Variants in LCORL observed in about 807,000 individuals in gnomAD.
LCORL encodes ligand-dependent nuclear receptor corepressor-like protein.
Under a neutral mutation model 141.8 loss-of-function variants are expected in LCORL, and 41 were observed. The observed-to-expected ratio is 0.29, with a 90% confidence interval of 0.23 to 0.38. The LOEUF is 0.38. Among genes scored for constraint, LCORL ranks in the 10% least tolerant of loss-of-function variants. The probability of loss-of-function intolerance (pLI) is 1.00; values close to 1 mark genes in which losing one functional copy is unlikely to be tolerated. For missense variants in LCORL, 1,759 were observed against 2,035.0 expected (o/e 0.86, Z 2.61); for synonymous variants, 618 against 694.1 (o/e 0.89, Z 1.72).
chr4:17,897,275 T>C (rs1025277347), intron 5 of LCORL, among the ~76,000 whole-genome samples: 1 of 138,472 alleles, frequency 7.2e-6, no homozygotes, highest in Admixed American at 7.8e-5. Context: ...AGCAATGGGA[T>C]TGCTGGATCA....
At chr4:17,950,547 C>A (rs1038035442) in intron 4 of LCORL, among the ~76,000 whole-genome samples, 1 of 152,020 alleles carries the variant, frequency 6.6e-6, no homozygotes, top group Non-Finnish European at 1.5e-5. Context: ...GCCAATCAGG[C>A]TTGGAGGAAA....
chr4:17,932,921 T>A (rs1736279712), intron 4 of LCORL, among the ~76,000 whole-genome samples: 1 of 152,198 alleles, frequency 6.6e-6, no homozygotes, highest in Non-Finnish European at 1.5e-5. Context: ...TTTAATTATG[T>A]TTTGACCATC....
At chr4:17,994,404 A>G (rs1316175365) in intron 1 of LCORL, among the ~76,000 whole-genome samples, 1 of 152,154 alleles carries the variant, frequency 6.6e-6, no homozygotes, top group Non-Finnish European at 1.5e-5. Context: ...TATTCACAGA[A>G]GCTGTTTAAT....
chr4:17,873,242 G>A (rs190454630), intron 7 of LCORL, 146 bp downstream of exon 7: 3 of 445,038 alleles, frequency 6.7e-6, no homozygotes, highest in East Asian at 3.6e-5. Context: ...CTAATTTCAC[G>A]AGTTTCATAC....
At chr4:17,871,961 T>G (rs904585890) in intron 7 of LCORL, among the ~76,000 whole-genome samples, 1 of 151,970 alleles carries the variant, frequency 6.6e-6, no homozygotes, top group Admixed American at 6.6e-5. Flanking sequence ...AACTGAATCT[T>G]GGGGGTCATA....
chr4:17,952,217 C>G (rs1024692237), intron 4 of LCORL, among the ~76,000 whole-genome samples: 13 of 152,070 alleles, frequency 8.5e-5, no homozygotes, highest in African/African-American at 3.1e-4. Flanking sequence ...ATTACCTAAA[C>G]ACAGACGGTA....
intron 4 of LCORL, among the ~76,000 whole-genome samples, chr4:17,960,030 T>A (rs1277398287): frequency 6.6e-6 from 1 of 152,090 alleles, no homozygotes; most frequent in African/African-American, 2.4e-5. Flanking sequence ...CATTTGGAAA[T>A]CTCTAAAATG....
exon 8 of LCORL, chr4:17,845,664 ATTG>A (rs1722842798): frequency 1.6e-6 from 2 of 1,252,930 alleles, no homozygotes; most frequent in Non-Finnish European, 2.2e-6. Flanking sequence ...ATAAATGCTT[ATTG>A]TTCAGAAGGA....
chr4:17,947,319 G>A lies in LCORL; in HGVS notation c.430+14584C>T, dbSNP rs570337228. 2.0e-5 allele frequency among the ~76,000 whole-genome samples: 3 copies of A among 152,084 alleles called. No individual in the cohort carries two copies. The South Asian group carries it at 6.2e-4, about 32-fold the overall frequency. ...AAATATTGCATGTCTTCACTTATAT[G>A]TGAAATCCAGGAGAATCAAATTCAA... On this transcript the variant is annotated intron_variant, in intron 4 of 7. Transcript: ENST00000635767.
chr4:17,863,799 G>A (rs1363424887), intron 7 of LCORL, among the ~76,000 whole-genome samples: 2 of 152,116 alleles, frequency 1.3e-5, no homozygotes, highest in Non-Finnish European at 2.9e-5. Context: ...ATAGACAACG[G>A]AATACTATGC....
chr4:17,967,328 T>A (rs1287239973), intron 2 of LCORL, among the ~76,000 whole-genome samples: 2 of 152,138 alleles, frequency 1.3e-5, no homozygotes, highest in African/African-American at 4.8e-5. Context: ...GATACTATAA[T>A]GATGGATCAA....
exon 7 of LCORL, chr4:17,877,273 G>A: frequency 1.6e-6 from 2 of 1,230,054 alleles, no homozygotes; most frequent in Non-Finnish European, 2.0e-6. Flanking sequence ...TTATGCAAGA[G>A]AGATGTTATG....
intron 7 of LCORL, among the ~76,000 whole-genome samples, chr4:17,856,931 ATGTT>A (rs1242690296): frequency 6.6e-6 from 1 of 152,092 alleles, no homozygotes; most frequent in Non-Finnish European, 1.5e-5. Context: ...TTTGTTTTCT[ATGTT>A]TGTTTTTCTC....
At chr4:17,912,584 G>C in intron 4 of LCORL, 1 of 421,362 alleles carries the variant, frequency 2.4e-6, no homozygotes, top group Non-Finnish European at 4.6e-6. Context: ...GATGGTGCTC[G>C]TGCAGCTGAG....
chr4:17,905,160 A>G (rs1731417707), intron 5 of LCORL, among the ~76,000 whole-genome samples: 2 of 152,224 alleles, frequency 1.3e-5, no homozygotes, highest in East Asian at 1.9e-4. Flanking sequence ...ACCTCTCATC[A>G]AATGTTTAAA....
At chr4:18,001,201 T>G (rs1721898672) in intron 1 of LCORL, among the ~76,000 whole-genome samples, 1 of 152,112 alleles carries the variant, frequency 6.6e-6, no homozygotes, top group Non-Finnish European at 1.5e-5. Flanking sequence ...CAAAAAGGAT[T>G]CAGTGTATGC....
At chr4:17,987,099 C>T (rs1246504235) in intron 1 of LCORL, among the ~76,000 whole-genome samples, 2 of 151,310 alleles carry the variant, frequency 1.3e-5, no homozygotes, top group African/African-American at 2.4e-5. Context: ...TTCTTATAAA[C>T]TTATAAACGG....
chr4:17,852,670 C>T (rs150018208), intron 7 of LCORL, among the ~76,000 whole-genome samples: 46 of 152,230 alleles, frequency 3.0e-4, no homozygotes, highest in Admixed American at 6.5e-4. Context: ...AGCCTATTTT[C>T]AATACTTTGG....
chr4:17,878,168 T>G, exon 7 of LCORL: 1 of 1,230,064 alleles, frequency 8.1e-7, no homozygotes, highest in East Asian at 3.2e-5. Flanking sequence ...CTGATTTTCT[T>G]TTTTCCATTT....
Sources: gnomAD v4.1 joint callset for allele counts (sites outside exome capture counted in the v4.1 genomes callset) on GRCh38, gnomAD v4.1.1 for gene constraint, MANE v1.5 for transcripts, NCBI Gene and HGNC (gene_info 2026-07-23, HGNC 2026-07-21) for gene names.